JAK2: variants seen among roughly 807,000 people sequenced by gnomAD.
JAK2 encodes Janus kinase 2, also known as tyrosine-protein kinase JAK2.
A neutral mutation model predicts 139.3 loss-of-function variants in JAK2; 86 were observed. The ratio of observed to expected loss-of-function variants is 0.62; its 90% CI spans 0.52 to 0.74. The LOEUF (loss-of-function observed/expected upper bound fraction) is 0.74. Among genes scored for constraint, JAK2 ranks in the 30% least tolerant of loss-of-function variants. The pLI is 0.00. For missense variants in JAK2, 1,421 were observed against 1,360.3 expected (o/e 1.04, Z -0.70); for synonymous variants, 490 against 437.7 (o/e 1.12, Z -1.49).
At chr9:5,079,777 C>T (rs1430436036) in intron 16 of JAK2, among the ~76,000 whole-genome samples, 1 of 152,000 alleles carries the variant, frequency 6.6e-6, no homozygotes, top group East Asian at 1.9e-4. Context: ...TGCAATCGTG[C>T]CATTGCACTC....
chr9:5,046,548 A>C (rs7863219), intron 5 of JAK2, among the ~76,000 whole-genome samples: 97,201 of 151,954 alleles, frequency 0.64, 33,146 homozygotes, highest in African/African-American at 0.89. Context: ...ACATTTAGGC[A>C]TTGGGTCCAT....
At chr9:5,070,567 CTAAT>C (rs1468860694) in intron 12 of JAK2, among the ~76,000 whole-genome samples, 1 of 151,824 alleles carries the variant, frequency 6.6e-6, no homozygotes, top group African/African-American at 2.4e-5. Flanking sequence ...TTTTAAATAA[CTAAT>C]TATTTTTTAA....
At position 5,020,338 on chromosome 9, in the gene JAK2, C is replaced by T. The variant is rs142203743; in HGVS notation, c.-25-1625C>T. 2.7e-3 allele frequency among the ~76,000 whole-genome samples: 404 copies of T among 152,252 alleles called. 2 individuals are homozygous for T. Among genetic ancestry groups the T allele is most frequent in the Middle Eastern group, 6.8e-3 (2 of 294 alleles). ...ACAAACTGGTGCGATCCCAAGGCCC[C>T]CAGATAACATGCTTGGATACGTGGG... is the stretch of plus-strand genomic sequence containing the variant. On this transcript the variant is annotated intron_variant, in intron 2 of 24. Coordinates refer to ENST00000381652, the MANE Select transcript of JAK2 (RefSeq NM_004972.4).
intron 14 of JAK2, among the ~76,000 whole-genome samples, chr9:5,075,469 C>T (rs1396680796): frequency 6.6e-6 from 1 of 152,174 alleles, no homozygotes; most frequent in African/African-American, 2.4e-5. Flanking sequence ...ATTTACCATT[C>T]CAAAAATCCC....
chr9:5,125,372 T>C (rs1019238534), intron 23 of JAK2, among the ~76,000 whole-genome samples: 1 of 151,364 alleles, frequency 6.6e-6, no homozygotes, highest in Non-Finnish European at 1.5e-5. Flanking sequence ...ACTGCAAATA[T>C]GTTTTCTAAT....
At chr9:5,052,370 A>G (rs73639258) in intron 6 of JAK2, among the ~76,000 whole-genome samples, 1 of 152,182 alleles carries the variant, frequency 6.6e-6, no homozygotes, top group African/African-American at 2.4e-5. Context: ...TCATGCTCTT[A>G]GCCAGGATAT....
chr9:5,118,053 G>A (rs1373566088), intron 22 of JAK2, among the ~76,000 whole-genome samples: 2 of 152,124 alleles, frequency 1.3e-5, no homozygotes, highest in Non-Finnish European at 2.9e-5. Context: ...TTAAATAACA[G>A]CTATGTCAAT....
intron 22 of JAK2, chr9:5,110,924 C>T (rs1419230242): frequency 1.7e-6 from 1 of 572,946 alleles, no homozygotes; most frequent in Non-Finnish European, 3.3e-6. Context: ...ATGAACCAGC[C>T]GCAGAGGATG....
In JAK2 at chr9:5,127,524, T is replaced by C. The variant is rs1824076352; in HGVS notation, c.*733T>C. 4.3e-6 allele frequency: 1 copy of C among 231,274 alleles called. No homozygotes were observed. Among genetic ancestry groups the C allele is most frequent in the East Asian group, 6.1e-5 (1 of 16,358 alleles). 14.3% of individuals were successfully genotyped at this position (231,274 alleles called of 1,614,324 possible). A position where few individuals can be genotyped will look rare whatever the true frequency, so the allele number is the denominator to read the frequency against. On this transcript the variant is annotated 3_prime_UTR_variant, in exon 25 of 25. Coordinates refer to ENST00000381652, the MANE Select transcript of JAK2 (RefSeq NM_004972.4). ...CTTACAAAGATATAATCTATTTTAT[T>C]ATGGTTTCCCTTGTATCTATTTGTG...
intron 22 of JAK2, chr9:5,114,519 G>A: frequency 2.1e-6 from 1 of 469,576 alleles, no homozygotes; most frequent in South Asian, 1.8e-5. Context: ...TGCAACGCTA[G>A]AAGAGCCGAG....
intron 14 of JAK2, among the ~76,000 whole-genome samples, chr9:5,074,081 C>G (rs1819149109): frequency 6.6e-6 from 1 of 152,016 alleles, no homozygotes; most frequent in African/African-American, 2.4e-5. Context: ...GCAGGTTCAA[C>G]ATAACATTGG....
intron 19 of JAK2, chr9:5,085,558 A>T (rs539687295): frequency 1.4e-6 from 1 of 694,524 alleles, no homozygotes; most frequent in South Asian, 1.6e-5. Flanking sequence ...AATAGATATA[A>T]CAGCTGTATT....
At chr9:5,063,920 G>A (rs1406920891) in intron 8 of JAK2, among the ~76,000 whole-genome samples, 1 of 152,234 alleles carries the variant, frequency 6.6e-6, no homozygotes, top group Non-Finnish European at 1.5e-5. Flanking sequence ...CACTTTGGGA[G>A]GCCAAGGCGG....
At chr9:5,115,512 C>G (rs971534211) in intron 22 of JAK2, among the ~76,000 whole-genome samples, 1 of 152,144 alleles carries the variant, frequency 6.6e-6, no homozygotes, top group East Asian at 1.9e-4. Context: ...GCAATTCCTC[C>G]AGGATCCAGA....
intron 22 of JAK2, chr9:5,099,287 A>C (rs1044386550): frequency 1.3e-5 from 2 of 152,164 alleles, no homozygotes; most frequent in African/African-American, 2.4e-5. Context: ...CCTAGAACTA[A>C]TCCTCTTAAA....
intron 2 of JAK2, among the ~76,000 whole-genome samples, chr9:5,009,568 C>T (rs185614771): frequency 1.1e-4 from 16 of 152,152 alleles, no homozygotes; most frequent in African/African-American, 3.6e-4. Context: ...AAGTTATCTT[C>T]CCTGCATTAT....
chr9:4,996,290 T>TA (rs1423403532), intron 2 of JAK2, among the ~76,000 whole-genome samples: 1 of 151,992 alleles, frequency 6.6e-6, no homozygotes, highest in African/African-American at 2.4e-5. Context: ...CTCTACTAAA[T>TA]ACAAAAAAAT....
At chr9:5,046,075 A>G (rs900872481) in intron 5 of JAK2, among the ~76,000 whole-genome samples, 3 of 152,116 alleles carry the variant, frequency 2.0e-5, no homozygotes, top group Non-Finnish European at 4.4e-5. Flanking sequence ...AGCCATCTCT[A>G]TGGGTTTGAG....
At chr9:5,051,021 C>T (rs1398246937) in intron 6 of JAK2, among the ~76,000 whole-genome samples, 190 bp downstream of exon 6, 2 of 152,126 alleles carry the variant, frequency 1.3e-5, no homozygotes, top group Non-Finnish European at 2.9e-5. Context: ...TGGCATTGAA[C>T]TTACCAGTTG....
Sources: gnomAD v4.1 joint callset for allele counts (sites outside exome capture counted in the v4.1 genomes callset) on GRCh38, gnomAD v4.1.1 for gene constraint, MANE v1.5 for transcripts, NCBI Gene and HGNC (gene_info 2026-07-23, HGNC 2026-07-21) for gene names.